RBL1: variants seen among roughly 807,000 people sequenced by gnomAD.
RBL1 encodes retinoblastoma-like protein 1.
In RBL1, 82 loss-of-function variants were observed where a neutral mutation model predicts 123.0. That is an observed-to-expected ratio of 0.67 (90% CI 0.56 to 0.80). RBL1 has a LOEUF of 0.80. Ranked by LOEUF, RBL1 falls within the 30% of genes least tolerant of loss-of-function variation. RBL1 has a pLI of 0.00. For missense variants in RBL1, 1,171 were observed against 1,299.6 expected (o/e 0.90, Z 1.52); for synonymous variants, 405 against 441.3 (o/e 0.92, Z 1.03).
chr20:37,072,428 GGAGGCGGAAGTTGCGGT>G (rs1482415878), intron 2 of RBL1, among the ~76,000 whole-genome samples: 1 of 151,782 alleles, frequency 6.6e-6, no homozygotes, highest in Non-Finnish European at 1.5e-5. Flanking sequence ...GAAGTTGCGG[GGAGGCGGAAGTTGCGGT>G]GAGCTGAGAT....
At chr20:37,084,851 C>T (rs1283996258) in intron 2 of RBL1, among the ~76,000 whole-genome samples, 1 of 152,196 alleles carries the variant, frequency 6.6e-6, no homozygotes, top group Non-Finnish European at 1.5e-5. Context: ...CTGCAACCTC[C>T]ACCTCCTGGG....
In RBL1 at chr20:37,012,007, C is replaced by T. The variant is rs11906830; in HGVS notation, c.2723-4448G>A. On this transcript the variant is annotated intron_variant, in intron 19 of 21. Coordinates refer to ENST00000373664, the MANE Select transcript of RBL1 (RefSeq NM_002895.5). ...CCTGCCCAGTGCCTGCGATTGCAGGCGCGCGCTGTCACGCCTGACTGGTTT... is the reference window on the plus strand; with the variant it reads ...CCTGCCCAGTGCCTGCGATTGCAGGTGCGCGCTGTCACGCCTGACTGGTTT... Among the ~76,000 whole-genome samples, 204 of 152,330 alleles carry T rather than the reference C, an allele frequency of 1.3e-3. 1 individual carries two copies. The highest frequency in any genetic ancestry group is 4.7e-3 in the African/African-American group (195 of 41,584).
chr20:37,085,540 C>T (rs147387025), intron 2 of RBL1, among the ~76,000 whole-genome samples: 1 of 151,910 alleles, frequency 6.6e-6, no homozygotes, highest in Admixed American at 6.6e-5. Context: ...TAACCTTTAC[C>T]GTTGTAACCA....
chr20:37,082,676 G>A (rs1458330880), intron 2 of RBL1, among the ~76,000 whole-genome samples: 3 of 152,164 alleles, frequency 2.0e-5, no homozygotes, highest in Non-Finnish European at 4.4e-5. Context: ...TACTGACATA[G>A]TATTTACATT....
At chr20:37,041,238 A>C (rs527468788) in intron 13 of RBL1, among the ~76,000 whole-genome samples, 26 of 152,226 alleles carry the variant, frequency 1.7e-4, no homozygotes, top group Admixed American at 3.3e-4. Flanking sequence ...GACAAAAAAA[A>C]CCCCACAATT....
chr20:37,059,925 C>A (rs185890069), intron 9 of RBL1, among the ~76,000 whole-genome samples: 189 of 152,020 alleles, frequency 1.2e-3, no homozygotes, highest in African/African-American at 4.4e-3. Flanking sequence ...GTAATCCCAG[C>A]ACTTTGGGAG....
At chr20:37,024,619 A>G (rs2064391837) in intron 16 of RBL1, among the ~76,000 whole-genome samples, 1 of 152,200 alleles carries the variant, frequency 6.6e-6, no homozygotes, top group South Asian at 2.1e-4. Context: ...AGATTCAGAC[A>G]TTTCAGTTCC....
intron 1 of RBL1, among the ~76,000 whole-genome samples, chr20:37,093,945 GAC>G: frequency 6.6e-6 from 1 of 151,916 alleles, no homozygotes; most frequent in Non-Finnish European, 1.5e-5. Context: ...GCCCGGCCAA[GAC>G]CCTGTTTCTA....
At chr20:37,001,090 C>T (rs1278038551) in intron 21 of RBL1, among the ~76,000 whole-genome samples, 7 of 147,614 alleles carry the variant, frequency 4.7e-5, no homozygotes, top group African/African-American at 1.5e-4. Flanking sequence ...GTCAGCCCCC[C>T]GCCTGGCCAG....
chr20:37,022,924 T>C, intron 16 of RBL1, 98 bp from the exon 17 acceptor site: 2 of 896,722 alleles, frequency 2.2e-6, no homozygotes, highest in South Asian at 3.9e-5. Context: ...CATAGGCTGT[T>C]GATATACTAA....
Position 37,056,207 on chromosome 20 carries a change from T to A in RBL1, c.1302A>T (p.Ile434=). 2 of 1,611,308 alleles carry A rather than the reference T, an allele frequency of 1.2e-6. No homozygotes were observed. Among genetic ancestry groups the A allele is most frequent in the Non-Finnish European group, 1.7e-6 (2 of 1,179,822 alleles). The change falls in exon 10 of 22, where the codon ATA becomes ATT. Residue 434 remains isoleucine, a synonymous_variant. Transcript: ENST00000373664. ...TATAGTGTTGACAGAAAGTCTCTCC[T>A]ATTCCTTTTAGTATTTTCATAATGT... ...VENIMKILKG[I]GETFCQHYTQ...
chr20:37,085,647 A>ATTTTTTTTTTTTTT (rs1202673380), intron 2 of RBL1, among the ~76,000 whole-genome samples: 2 of 84,604 alleles, frequency 2.4e-5, no homozygotes, highest in Admixed American at 1.6e-4. Flanking sequence ...TTGAAATTTG[A>ATTTTTTTTTTTTTT]TTTTTTTTTT....
chr20:37,018,048 A>G (rs1284408928), intron 19 of RBL1, among the ~76,000 whole-genome samples: 5 of 152,242 alleles, frequency 3.3e-5, no homozygotes, highest in Admixed American at 1.3e-4. Context: ...ATTAACATGT[A>G]TAAGTAGACT....
intron 21 of RBL1, among the ~76,000 whole-genome samples, chr20:36,999,353 T>C (rs2063925750): frequency 2.0e-5 from 3 of 152,000 alleles, no homozygotes; most frequent in Admixed American, 6.6e-5. Flanking sequence ...CAGTGAGCAG[T>C]GATCATGCCT....
chr20:37,067,509 C>T (rs1047663110), intron 3 of RBL1, among the ~76,000 whole-genome samples: 3 of 151,996 alleles, frequency 2.0e-5, no homozygotes, highest in African/African-American at 7.3e-5. Flanking sequence ...TGGCTCATGC[C>T]TGTAATCCCA....
chr20:37,038,995 T>G (rs181304248), intron 14 of RBL1, among the ~76,000 whole-genome samples: 1 of 152,310 alleles, frequency 6.6e-6, no homozygotes, highest in East Asian at 1.9e-4. Flanking sequence ...CAAAAATGGA[T>G]GTACCGTACT....
At chr20:37,033,054 G>A (rs970980429) in intron 15 of RBL1, among the ~76,000 whole-genome samples, 178 bp from the exon 16 acceptor site, 1 of 147,494 alleles carries the variant, frequency 6.8e-6, no homozygotes, top group African/African-American at 2.5e-5. Context: ...GTCTCACTTG[G>A]TCACTCAGGC....
intron 17 of RBL1, among the ~76,000 whole-genome samples, 170 bp downstream of exon 17, chr20:37,022,480 C>T (rs938769685): frequency 1.3e-5 from 2 of 152,158 alleles, no homozygotes; most frequent in African/African-American, 4.8e-5. Flanking sequence ...GTGCAAGCCA[C>T]AATGCCCAGC....
Position 37,065,838 on chromosome 20 carries a change from T to G in RBL1, c.847-365A>C, listed in dbSNP as rs187881498. Among the ~76,000 whole-genome samples the G allele has an allele frequency of 7.2e-3, 1,095 of 152,294 alleles. 9 individuals carry two copies. Among genetic ancestry groups the G allele is most frequent in the Non-Finnish European group, 0.011 (769 of 68,018 alleles). On this transcript the variant is annotated intron_variant, in intron 6 of 21. Coordinates refer to ENST00000373664, the MANE Select transcript of RBL1 (RefSeq NM_002895.5). ...CATGTTGCTCAGGTTCGTCTGGAAC[T>G]CTTGGGCTCAAGCAATCCACCTGCC...
Sources: allele counts gnomAD v4.1 joint callset (sites outside exome capture counted in the v4.1 genomes callset), GRCh38; gene constraint gnomAD v4.1.1; transcripts MANE v1.5; gene names NCBI Gene and HGNC (gene_info 2026-07-23, HGNC 2026-07-21).